CRPPA: variants seen among roughly 807,000 people sequenced by gnomAD.
CRPPA encodes D-ribitol-5-phosphate cytidylyltransferase.
In CRPPA, 43 loss-of-function variants were observed where a neutral mutation model predicts 52.0. That is an observed-to-expected ratio of 0.83 (90% CI 0.65 to 1.07). The LOEUF (loss-of-function observed/expected upper bound fraction) is 1.07, where lower values mean the gene tolerates loss of function less well. Among genes scored for constraint, CRPPA ranks in the 50% least tolerant of loss-of-function variants. CRPPA has a pLI of 0.00. For synonymous variants in CRPPA, 250 were observed against 203.5 expected (o/e 1.23, Z -1.94); for missense variants, 629 against 551.7 (o/e 1.14, Z -1.40).
chr7:16,188,590 C>T (rs1366239467), intron 9 of CRPPA, among the ~76,000 whole-genome samples: 3 of 152,056 alleles, frequency 2.0e-5, no homozygotes, highest in Non-Finnish European at 4.4e-5. Flanking sequence ...ACTCTCAGAG[C>T]CTTGTTTTTC....
intron 2 of CRPPA, among the ~76,000 whole-genome samples, chr7:16,381,882 T>C (rs1194141636): frequency 6.6e-6 from 1 of 152,166 alleles, no homozygotes; most frequent in Admixed American, 6.5e-5. Context: ...AGCCTATGTG[T>C]GTCTCTGCAC....
chr7:16,213,973 A>C (rs1401038631), intron 9 of CRPPA, among the ~76,000 whole-genome samples: 1 of 152,168 alleles, frequency 6.6e-6, no homozygotes, highest in Non-Finnish European at 1.5e-5. Flanking sequence ...AAACATTCCA[A>C]ATTATTTTAC....
chr7:16,210,620 G>C (rs903720381), intron 9 of CRPPA: 3 of 152,140 alleles, frequency 2.0e-5, no homozygotes, highest in Non-Finnish European at 4.4e-5. Context: ...GAGCTACTTG[G>C]GAAAATTTCC....
At chr7:16,351,344 G>A (rs1425392351) in intron 3 of CRPPA, among the ~76,000 whole-genome samples, 4 of 152,052 alleles carry the variant, frequency 2.6e-5, no homozygotes, top group South Asian at 2.1e-4. Context: ...CAGGACATAC[G>A]CATGGGCAAA....
At chr7:16,277,114 A>T (rs1784218384) in intron 6 of CRPPA, 1 of 152,180 alleles carries the variant, frequency 6.6e-6, no homozygotes, top group Admixed American at 6.5e-5. Context: ...CAACTTTAGA[A>T]CATAGATGTT....
chr7:16,252,958 T>C (rs184979984), intron 8 of CRPPA, among the ~76,000 whole-genome samples: 11 of 152,320 alleles, frequency 7.2e-5, no homozygotes, highest in African/African-American at 1.9e-4. Flanking sequence ...ATATCCCCTT[T>C]ATCATTTTTA....
In CRPPA at chr7:16,258,903, C is replaced by G. The variant is rs781644120; in HGVS notation, c.1026+17G>C. ...GTTCATATCCTTAAGTGCCTTCAATCATTTGAATTGACTTACATTCACACA... is the reference window on the plus strand; with the variant it reads ...GTTCATATCCTTAAGTGCCTTCAATGATTTGAATTGACTTACATTCACACA... On this transcript the variant is annotated intron_variant, in intron 7 of 9. Transcript: ENST00000407010. 2.6e-6 allele frequency: 4 copies of G among 1,548,452 alleles called. No homozygotes were observed. The highest frequency in any genetic ancestry group is 3.5e-6 in the Non-Finnish European group (4 of 1,127,566).
At chr7:16,119,031 C>T (rs995342342) in intron 9 of CRPPA, among the ~76,000 whole-genome samples, 3 of 152,050 alleles carry the variant, frequency 2.0e-5, no homozygotes, top group African/African-American at 4.8e-5. Context: ...TTGTTTTGCC[C>T]GGTCTCCGAA....
intron 3 of CRPPA, among the ~76,000 whole-genome samples, chr7:16,344,292 G>A (rs897082138): frequency 2.0e-5 from 3 of 151,606 alleles, no homozygotes; most frequent in African/African-American, 4.8e-5. Flanking sequence ...TGGGCCAGGT[G>A]TGATGGCTCA....
At chr7:16,357,469 C>T (rs1013592819) in intron 3 of CRPPA, among the ~76,000 whole-genome samples, 7 of 152,122 alleles carry the variant, frequency 4.6e-5, no homozygotes, top group Admixed American at 2.0e-4. Context: ...CATGAGCCAC[C>T]ATCCCTGGTC....
intron 9 of CRPPA, among the ~76,000 whole-genome samples, chr7:16,213,102 A>G (rs999717908): frequency 1.3e-5 from 2 of 152,226 alleles, no homozygotes; most frequent in African/African-American, 2.4e-5. Context: ...TCACATTTCA[A>G]CAAAATTAAG....
rs754518065 is a variant in CRPPA, at chr7:16,123,587, T to A, written c.1252-31788A>T. ...CCACCCAACATGCTAGGCCACCCAG[T>A]AAATAGCATGTAATAGTGATGATAA... On this transcript the variant is annotated intron_variant, in intron 9 of 9. Transcript: ENST00000407010. Among the ~76,000 whole-genome samples, 33 of 152,220 alleles carry A rather than the reference T, an allele frequency of 2.2e-4. No homozygotes were observed. The Middle Eastern group carries it at 0.017, about 78-fold the overall frequency.
intron 3 of CRPPA, among the ~76,000 whole-genome samples, chr7:16,337,250 ATCT>A (rs1250371032): frequency 2.0e-5 from 3 of 152,176 alleles, no homozygotes; most frequent in Non-Finnish European, 4.4e-5. Context: ...GAGGCTTGAA[ATCT>A]TCTTAAGTAT....
At chr7:16,203,453 A>C (rs1035188405) in intron 9 of CRPPA, among the ~76,000 whole-genome samples, 3 of 152,196 alleles carry the variant, frequency 2.0e-5, no homozygotes, top group Non-Finnish European at 4.4e-5. Flanking sequence ...TCAGAGTTAG[A>C]ACTATGGTTT....
At chr7:16,158,338 T>C (rs1241582675) in intron 9 of CRPPA, among the ~76,000 whole-genome samples, 1 of 152,158 alleles carries the variant, frequency 6.6e-6, no homozygotes, top group East Asian at 1.9e-4. Context: ...GAATTCTGTT[T>C]CTAGGAAGTA....
chr7:16,247,926 C>A (rs1783324072), intron 8 of CRPPA: 1 of 152,062 alleles, frequency 6.6e-6, no homozygotes, highest in South Asian at 2.1e-4. Context: ...TTCTGCCATT[C>A]ACTGGGACAC....
At chr7:16,227,994 A>G (rs1471488974) in intron 8 of CRPPA, among the ~76,000 whole-genome samples, 1 of 151,928 alleles carries the variant, frequency 6.6e-6, no homozygotes, top group Non-Finnish European at 1.5e-5. Flanking sequence ...TTTATTGAAG[A>G]GATTGTGCAT....
At chr7:16,347,323 CA>C (rs1339921285) in intron 3 of CRPPA, among the ~76,000 whole-genome samples, 1 of 152,136 alleles carries the variant, frequency 6.6e-6, no homozygotes, top group Admixed American at 6.6e-5. Context: ...ATTGCATTAT[CA>C]AAACATTAGT....
At chr7:16,130,260 C>G (rs1024163421) in intron 9 of CRPPA, among the ~76,000 whole-genome samples, 4 of 152,100 alleles carry the variant, frequency 2.6e-5, no homozygotes, top group Non-Finnish European at 4.4e-5. Flanking sequence ...ATTTTCCAGG[C>G]AGGAAGAAGT....
Sources: gnomAD v4.1 joint callset for allele counts (sites outside exome capture counted in the v4.1 genomes callset) on GRCh38, gnomAD v4.1.1 for gene constraint, MANE v1.5 for transcripts, NCBI Gene and HGNC (gene_info 2026-07-23, HGNC 2026-07-21) for gene names.